TAOK1: variants seen among roughly 807,000 people sequenced by gnomAD.
The protein encoded by TAOK1 is TAO kinase 1.
Under a neutral mutation model 138.3 loss-of-function variants are expected in TAOK1, and 21 were observed. The observed-to-expected ratio is 0.15, with a 90% confidence interval of 0.11 to 0.22. The LOEUF is 0.22. Among genes scored for constraint, TAOK1 ranks in the 10% least tolerant of loss-of-function variants. The pLI is 1.00. For synonymous variants in TAOK1, 361 were observed against 398.4 expected, an observed-to-expected ratio of 0.91 and a Z score of 1.12; for missense variants, 651 against 1,227.7, an observed-to-expected ratio of 0.53 and a Z score of 7.02.
intron 1 of TAOK1, among the ~76,000 whole-genome samples, chr17:29,408,572 A>T (rs994868732): frequency 2.0e-5 from 3 of 152,122 alleles, no homozygotes; most frequent in Admixed American, 6.6e-5. Context: ...ATAATTTCAC[A>T]AATTTTTAAT....
intron 10 of TAOK1, among the ~76,000 whole-genome samples, chr17:29,494,041 C>T (rs958734633): frequency 2.6e-5 from 4 of 152,128 alleles, no homozygotes; most frequent in African/African-American, 4.8e-5. Flanking sequence ...CTCAGCCGCC[C>T]GAGTAGCTGG....
At chr17:29,533,701 C>T (rs1051402445) in intron 18 of TAOK1, among the ~76,000 whole-genome samples, 8 of 151,612 alleles carry the variant, frequency 5.3e-5, no homozygotes, top group Non-Finnish European at 1.0e-4. Flanking sequence ...ACCAGTCAGG[C>T]GTGGCGGCGC....
intron 14 of TAOK1, 86 bp from the exon 15 acceptor site, chr17:29,510,778 A>G: frequency 1.0e-6 from 1 of 978,590 alleles, no homozygotes; most frequent in Non-Finnish European, 1.4e-6. Context: ...TGTTCTTAGA[A>G]AATAAAAGGT....
chr17:29,525,725 C>T (rs1001748239), intron 17 of TAOK1, among the ~76,000 whole-genome samples: 3 of 152,180 alleles, frequency 2.0e-5, no homozygotes, highest in Non-Finnish European at 2.9e-5. Flanking sequence ...AAAAACTTTT[C>T]GCTGGGGCAG....
At chr17:29,534,928 G>GGGGTGT (rs746742307) in intron 19 of TAOK1, among the ~76,000 whole-genome samples, 1 of 147,222 alleles carries the variant, frequency 6.8e-6, no homozygotes, top group African/African-American at 2.5e-5. Context: ...AGGATACTAA[G>GGGGTGT]GTGTGTGTGT....
intron 1 of TAOK1, among the ~76,000 whole-genome samples, chr17:29,427,157 A>G (rs1905666359): frequency 6.6e-6 from 1 of 152,220 alleles, no homozygotes; most frequent in Non-Finnish European, 1.5e-5. Context: ...ATGTAATGCC[A>G]TTGGTGGAAA....
intron 16 of TAOK1, among the ~76,000 whole-genome samples, chr17:29,519,284 G>A (rs2031874109): frequency 6.6e-6 from 1 of 152,134 alleles, no homozygotes. Context: ...GCCAAGGCAG[G>A]TGGATCACTT....
intron 1 of TAOK1, among the ~76,000 whole-genome samples, chr17:29,411,152 C>T (rs1297845514): frequency 1.0e-4 from 12 of 120,346 alleles, no homozygotes; most frequent in Admixed American, 4.3e-4. Context: ...AGTGCAGTGG[C>T]GGGATCTCGG....
rs564767793 is a variant in TAOK1 at position 29,508,348 on chromosome 17, T to G, written c.1575+216T>G. On this transcript the variant is annotated intron_variant, in intron 14 of 19. Transcript: ENST00000261716. ...TTTTATCTCTCACTAATTTTGTGTG[T>G]GGGTCATTTAAAACAAATCAGTCTT... 2.6e-5 allele frequency among the ~76,000 whole-genome samples: 4 copies of G among 152,310 alleles called. No individual in the cohort carries two copies. The East Asian group carries it at 7.7e-4, about 29-fold the overall frequency.
At chr17:29,478,786 A>T (rs1359278566) in intron 6 of TAOK1, among the ~76,000 whole-genome samples, 2 of 152,182 alleles carry the variant, frequency 1.3e-5, no homozygotes, top group Non-Finnish European at 2.9e-5. Context: ...GTAACTGATA[A>T]TGACATATTT....
At chr17:29,504,657 G>T (rs182655545) in intron 13 of TAOK1, among the ~76,000 whole-genome samples, 281 of 152,122 alleles carry the variant, frequency 1.8e-3, no homozygotes, top group African/African-American at 6.4e-3. Context: ...GCGTCAGAGC[G>T]AGACTCTGTC....
Position 29,456,366 on chromosome 17 carries a change from T to C in TAOK1, c.132+4686T>C, listed in dbSNP as rs919063408. Among the ~76,000 whole-genome samples the C allele has an allele frequency of 2.0e-5, 3 of 149,482 alleles. 1 individual carries two copies. The highest frequency in any genetic ancestry group is 7.7e-5 in the African/African-American group (3 of 39,180). ...GACTCTGTCTCCGGGAAAAAAAAAA[T>C]GTTTGGTAGAATTTCCTAGGGAAGC... On this transcript the variant is annotated intron_variant, in intron 2 of 19. Coordinates refer to ENST00000261716, the MANE Select transcript of TAOK1 (RefSeq NM_020791.4).
intron 18 of TAOK1, among the ~76,000 whole-genome samples, chr17:29,530,901 A>T (rs1028426301): frequency 1.3e-4 from 20 of 151,700 alleles, no homozygotes; most frequent in Non-Finnish European, 2.5e-4. Flanking sequence ...TTTGGGAAGC[A>T]GTGAGCAAAA....
At position 29,487,246 on chromosome 17, in the gene TAOK1, C is replaced by CAAAAAAAA. The variant is rs71138823; in HGVS notation, c.656-2396_656-2389dup. Among the ~76,000 whole-genome samples the CAAAAAAAA allele has an allele frequency of 7.4e-4, 67 of 90,280 alleles. 4 individuals carry two copies. The highest frequency in any genetic ancestry group is 3.1e-3 in the African/African-American group (61 of 19,810). 59.2% of individuals were successfully genotyped at this position (90,280 alleles called of 152,430 possible). ...GGGCAACAGAGCGAGACTGTGTCTCCAAAAAAAAAAAAAAAAAAAAAAAAA... is the reference window on the plus strand; with the variant it reads ...GGGCAACAGAGCGAGACTGTGTCTCCAAAAAAAAAAAAAAAAAAAAAAAAAAAAAAAAA... On this transcript the variant is annotated intron_variant, in intron 8 of 19. Transcript: ENST00000261716.
rs1037409042 is a variant in TAOK1, at chr17:29,547,626, A to G, written c.*4604A>G. 2 of 152,160 alleles carry G rather than the reference A, an allele frequency of 1.3e-5. No individual in the cohort carries two copies. The highest frequency in any genetic ancestry group is 1.5e-5 in the Non-Finnish European group (1 of 67,982). 9.4% of individuals were successfully genotyped at this position (152,160 alleles called of 1,614,324 possible). On this transcript the variant is annotated 3_prime_UTR_variant, in exon 20 of 20. Transcript: ENST00000261716. ...AAGAAGAGGTTCTCTTGTCTTAGAT[A>G]GAAAAGAGCCTTCTCCAAGAGCAAT...
rs530166963 is a variant in TAOK1, at chr17:29,400,889, A to C, written c.-95+9865A>C. On this transcript the variant is annotated intron_variant, in intron 1 of 19. Transcript: ENST00000261716. ...AGTAAGGGTAAACATTATTATGGGAAACTTTTGTTTGCCTCTTTTTTTTTT... is the reference window on the plus strand; with the variant it reads ...AGTAAGGGTAAACATTATTATGGGACACTTTTGTTTGCCTCTTTTTTTTTT... Among the ~76,000 whole-genome samples, 15 of 148,530 alleles carry C rather than the reference A, an allele frequency of 1.0e-4. No individual in the cohort carries two copies. The East Asian group carries it at 2.2e-3, about 22-fold the overall frequency.
chr17:29,513,065 C>T (rs1598516074), intron 15 of TAOK1: 1 of 128,704 alleles, frequency 7.8e-6, no homozygotes, highest in East Asian at 2.3e-4. Context: ...CCACCCCCCC[C>T]CCCGTCTTAT....
At position 29,390,847 on chromosome 17, in the gene TAOK1, C is replaced by A. The variant is rs1267155589; in HGVS notation, c.-272C>A. On this transcript the variant is annotated 5_prime_UTR_variant, in exon 1 of 20. Transcript: ENST00000261716. ...CGCCCCCCCCCCCACCCCCCGCCGC[C>A]GCCGCCCCTTGTTGCAGAGCTTGGG... is the stretch of plus-strand genomic sequence containing the variant. The A allele has an allele frequency of 6.6e-6, 1 of 152,022 alleles. No individual in the cohort carries two copies. The highest frequency in any genetic ancestry group is 1.5e-5 in the Non-Finnish European group (1 of 67,944). 9.4% of individuals were successfully genotyped at this position (152,022 alleles called of 1,614,324 possible).
intron 2 of TAOK1, among the ~76,000 whole-genome samples, chr17:29,454,529 CTT>C (rs2030326491): frequency 1.3e-5 from 2 of 151,790 alleles, no homozygotes; most frequent in Non-Finnish European, 1.5e-5. Flanking sequence ...CTATAGATCA[CTT>C]TTGGTAGATC....
Sources: gnomAD v4.1 joint callset for allele counts (sites outside exome capture counted in the v4.1 genomes callset) on GRCh38, gnomAD v4.1.1 for gene constraint, MANE v1.5 for transcripts, NCBI Gene and HGNC (gene_info 2026-07-23, HGNC 2026-07-21) for gene names.